MAMDC2: variants seen among roughly 807,000 people sequenced by gnomAD.
MAMDC2 encodes MAM domain-containing protein 2.
In MAMDC2, 57 loss-of-function variants were observed where a neutral mutation model predicts 89.8. That is an observed-to-expected ratio of 0.63 (90% CI 0.51 to 0.79). The LOEUF (loss-of-function observed/expected upper bound fraction) is 0.79, where lower values mean the gene tolerates loss of function less well. Among genes scored for constraint, MAMDC2 ranks in the 30% least tolerant of loss-of-function variants. The pLI is 0.00. For synonymous variants in MAMDC2, 313 were observed against 293.4 expected, an observed-to-expected ratio of 1.07 and a Z score of -0.68; for missense variants, 800 against 820.6, an observed-to-expected ratio of 0.97 and a Z score of 0.31.
intron 6 of MAMDC2, among the ~76,000 whole-genome samples, chr9:70,126,977 C>T (rs1050677819): frequency 1.1e-4 from 16 of 152,038 alleles, no homozygotes; most frequent in Non-Finnish European, 1.2e-4. Context: ...ATATAAGTGA[C>T]GTGTTCAATG....
intron 7 of MAMDC2, among the ~76,000 whole-genome samples, chr9:70,138,279 A>G (rs903202665): frequency 1.3e-5 from 2 of 152,198 alleles, no homozygotes; most frequent in Non-Finnish European, 2.9e-5. Flanking sequence ...TTGTATGTAC[A>G]TATGATACTT....
intron 11 of MAMDC2, chr9:70,217,760 G>C (rs1202602251): frequency 2.2e-6 from 2 of 910,948 alleles, no homozygotes; most frequent in Non-Finnish European, 3.5e-6. Flanking sequence ...GTCACAAAAA[G>C]TTTTAGGAAT....
At chr9:70,219,492 T>C (rs2033516642) in intron 12 of MAMDC2, among the ~76,000 whole-genome samples, 1 of 152,242 alleles carries the variant, frequency 6.6e-6, no homozygotes, top group Non-Finnish European at 1.5e-5. Context: ...TAAACCCAGA[T>C]CTTCCTGGGA....
intron 11 of MAMDC2, among the ~76,000 whole-genome samples, chr9:70,203,687 G>A (rs2033154639): frequency 3.1e-5 from 3 of 97,954 alleles, no homozygotes; most frequent in East Asian, 3.0e-4. Context: ...TCACTTTCAG[G>A]TACACCAATC....
intron 11 of MAMDC2, among the ~76,000 whole-genome samples, chr9:70,195,209 G>C (rs1587559595): frequency 6.6e-6 from 1 of 152,058 alleles, no homozygotes; most frequent in South Asian, 2.1e-4. Flanking sequence ...TGTAGAACAA[G>C]TCATTCTAGT....
chr9:70,155,722 C>T (rs1185742322), intron 9 of MAMDC2, among the ~76,000 whole-genome samples: 1 of 152,186 alleles, frequency 6.6e-6, no homozygotes, highest in Non-Finnish European at 1.5e-5. Context: ...GCTTCTCATT[C>T]CTCAAATCCT....
intron 11 of MAMDC2, among the ~76,000 whole-genome samples, chr9:70,192,317 T>C (rs1205952014): frequency 2.6e-5 from 4 of 152,144 alleles, no homozygotes; most frequent in Admixed American, 6.6e-5. Context: ...TTTGGTATTT[T>C]ATTTTTCAGT....
intron 4 of MAMDC2, among the ~76,000 whole-genome samples, chr9:70,111,977 T>C (rs1002839831): frequency 6.6e-6 from 1 of 152,296 alleles, no homozygotes; most frequent in Non-Finnish European, 1.5e-5. Flanking sequence ...ACTTGCCAAC[T>C]CATGGCGACC....
chr9:70,204,825 G>A (rs1030763271), intron 11 of MAMDC2, among the ~76,000 whole-genome samples: 3 of 152,220 alleles, frequency 2.0e-5, no homozygotes, highest in African/African-American at 7.2e-5. Context: ...TTTTCCAGGT[G>A]TGTCCTTCAC....
At chr9:70,075,916 T>C (rs1274731705) in intron 2 of MAMDC2, among the ~76,000 whole-genome samples, 2 of 152,206 alleles carry the variant, frequency 1.3e-5, no homozygotes, top group Admixed American at 1.3e-4. Context: ...CAGCACATGT[T>C]GCAAAGGGAA....
At chr9:70,079,088 C>G (rs936109785) in intron 2 of MAMDC2, among the ~76,000 whole-genome samples, 1 of 152,172 alleles carries the variant, frequency 6.6e-6, no homozygotes, top group African/African-American at 2.4e-5. Flanking sequence ...TTCACTCCAG[C>G]CTCCCCCTAG....
intron 6 of MAMDC2, among the ~76,000 whole-genome samples, chr9:70,129,749 G>A (rs1410313262): frequency 6.6e-6 from 1 of 152,136 alleles, no homozygotes; most frequent in African/African-American, 2.4e-5. Context: ...GCTAGATACA[G>A]AGACATTAGG....
At chr9:70,057,902 C>A (rs1354788595) in intron 2 of MAMDC2, among the ~76,000 whole-genome samples, 1 of 152,184 alleles carries the variant, frequency 6.6e-6, no homozygotes. Context: ...GAAGGACTTG[C>A]CATCCAGGTG....
Position 70,140,127 on chromosome 9 carries a change from T to A in MAMDC2, c.995-18T>A. 6.5e-7 allele frequency: 1 copy of A among 1,547,832 alleles called. No homozygotes were observed. The highest frequency in any genetic ancestry group is 8.6e-7 in the Non-Finnish European group (1 of 1,158,194). ...AGATCTTTGGGACTGTCATTAACTTTGCTTGTCCTTTGCTCAGAACTTCTG... is the reference window on the plus strand; with the variant it reads ...AGATCTTTGGGACTGTCATTAACTTAGCTTGTCCTTTGCTCAGAACTTCTG... On this transcript the variant is annotated intron_variant, in intron 7 of 13. Coordinates refer to ENST00000377182, the MANE Select transcript of MAMDC2 (RefSeq NM_153267.5).
At chr9:70,065,781 A>G (rs1440905216) in intron 2 of MAMDC2, among the ~76,000 whole-genome samples, 1 of 152,186 alleles carries the variant, frequency 6.6e-6, no homozygotes, top group Admixed American at 6.5e-5. Context: ...TATTTTTGTA[A>G]CAATTACCAA....
chr9:70,193,255 C>T lies in MAMDC2; in HGVS notation c.1651+22624C>T, dbSNP rs770053134. ...TTTGGAAAGTAATCTATATTATAAACGTAGTATTGCTTACACTGATGTCAC... is the reference window on the plus strand; with the variant it reads ...TTTGGAAAGTAATCTATATTATAAATGTAGTATTGCTTACACTGATGTCAC... On this transcript the variant is annotated intron_variant, in intron 11 of 13. Transcript: ENST00000377182. Among the ~76,000 whole-genome samples, 13 of 152,010 alleles carry T rather than the reference C, an allele frequency of 8.6e-5. 1 individual carries two copies. The highest frequency in any genetic ancestry group is 2.9e-4 in the African/African-American group (12 of 41,368).
intron 2 of MAMDC2, among the ~76,000 whole-genome samples, chr9:70,054,242 A>G (rs1346416526): frequency 2.0e-5 from 3 of 152,188 alleles, no homozygotes; most frequent in African/African-American, 7.2e-5. Context: ...AGCAGAGATG[A>G]TATCACCCAA....
At chr9:70,175,167 G>C (rs1247043541) in intron 11 of MAMDC2, among the ~76,000 whole-genome samples, 1 of 152,212 alleles carries the variant, frequency 6.6e-6, no homozygotes, top group East Asian at 1.9e-4. Flanking sequence ...TGAAGCAAGG[G>C]TGAAATCAAA....
intron 12 of MAMDC2, among the ~76,000 whole-genome samples, chr9:70,223,675 C>T (rs776082341): frequency 6.6e-6 from 1 of 152,176 alleles, no homozygotes; most frequent in Non-Finnish European, 1.5e-5. Context: ...CTTGGGCACC[C>T]TGGGGCACCT....
Sources: gnomAD v4.1 joint callset for allele counts (sites outside exome capture counted in the v4.1 genomes callset) on GRCh38, gnomAD v4.1.1 for gene constraint, MANE v1.5 for transcripts, NCBI Gene and HGNC (gene_info 2026-07-23, HGNC 2026-07-21) for gene names.